CERS4: variants seen among roughly 807,000 people sequenced by gnomAD.
CERS4 encodes LAG1 homolog, ceramide synthase 4.
Under a neutral mutation model 51.8 loss-of-function variants are expected in CERS4, and 65 were observed. The observed-to-expected ratio is 1.26, with a 90% CI of 1.03 to 1.54. The LOEUF (loss-of-function observed/expected upper bound fraction) is 1.54. CERS4 is among the 40% of genes most tolerant of loss of function. The probability of loss-of-function intolerance (pLI) is 0.00; values close to 1 mark genes in which losing one functional copy is unlikely to be tolerated. For synonymous variants in CERS4, 228 were observed against 208.4 expected (o/e 1.09, Z -0.81); for missense variants, 563 against 500.4 (o/e 1.13, Z -1.19).
At chr19:8,229,682 G>T (rs1967932472) in intron 2 of CERS4, among the ~76,000 whole-genome samples, 1 of 152,034 alleles carries the variant, frequency 6.6e-6, no homozygotes, top group Non-Finnish European at 1.5e-5. Context: ...AAAGTGCTAG[G>T]ATTACAGGTG....
intron 2 of CERS4, among the ~76,000 whole-genome samples, chr19:8,228,200 G>A (rs1014604065): frequency 6.6e-6 from 1 of 151,996 alleles, no homozygotes; most frequent in African/African-American, 2.4e-5. Flanking sequence ...CCAAAGTGCC[G>A]AGATGACAGG....
intron 2 of CERS4, among the ~76,000 whole-genome samples, chr19:8,222,934 T>C (rs1236463497): frequency 1.3e-5 from 2 of 152,158 alleles, no homozygotes; most frequent in Non-Finnish European, 2.9e-5. Context: ...CGGTCTCAGT[T>C]GAGCCTTTTA....
At chr19:8,231,758 T>G (rs1440232358) in intron 2 of CERS4, among the ~76,000 whole-genome samples, 1 of 151,920 alleles carries the variant, frequency 6.6e-6, no homozygotes, top group Admixed American at 6.6e-5. Flanking sequence ...TTCATCGTGT[T>G]AGCCAGGATG....
At chr19:8,236,680 TAA>T (rs59164781) in intron 2 of CERS4, among the ~76,000 whole-genome samples, 5,091 of 122,246 alleles carry the variant, frequency 0.042, 306 homozygotes, top group East Asian at 0.15. Flanking sequence ...CCCTGTCTTC[TAA>T]AAAAAAAAAA....
At chr19:8,249,013 TTGGATGGGTGGA>T (rs1568527310) in intron 2 of CERS4, among the ~76,000 whole-genome samples, 1 of 137,968 alleles carries the variant, frequency 7.2e-6, no homozygotes, top group African/African-American at 2.7e-5. Context: ...GGACAGATGT[TTGGATGGGTGGA>T]TGGATGGATG....
At chr19:8,253,716 G>T (rs2913985) in intron 3 of CERS4, among the ~76,000 whole-genome samples, 48,155 of 151,596 alleles carry the variant, frequency 0.32, 9,273 homozygotes, top group Non-Finnish European at 0.44. Context: ...TCAACCTCCC[G>T]AGTAGCTGGG....
intron 2 of CERS4, among the ~76,000 whole-genome samples, chr19:8,221,870 ATGTTTTTTTT>A (rs1344682322): frequency 3.1e-5 from 1 of 31,752 alleles, no homozygotes; most frequent in African/African-American, 8.3e-5. Context: ...TTATTTTTTT[ATGTTTTTTTT>A]TTTTTTTTTT....
At chr19:8,255,578 G>A in intron 4 of CERS4, 29 bp from the exon 5 acceptor site, 3 of 1,586,114 alleles carry the variant, frequency 1.9e-6, no homozygotes, top group Non-Finnish European at 1.7e-6. Context: ...GGGCCTCTGT[G>A]ACCCTTGTCC....
At chr19:8,219,646 G>A (rs1157756313) in intron 2 of CERS4, among the ~76,000 whole-genome samples, 3 of 148,088 alleles carry the variant, frequency 2.0e-5, no homozygotes, top group Non-Finnish European at 3.0e-5. Flanking sequence ...GTGAAATCCC[G>A]TCTCTACTAA....
Position 8,216,358 on chromosome 19 carries a change from G to A in CERS4, c.-2+5496G>A, listed in dbSNP as rs139739094. Among the ~76,000 whole-genome samples the A allele has an allele frequency of 3.4e-3, 516 of 149,834 alleles. 3 individuals are homozygous for A. The highest frequency in any genetic ancestry group is 0.011 in the African/African-American group (442 of 40,726). On this transcript the variant is annotated intron_variant, in intron 2 of 11. Transcript: ENST00000251363. Reference sequence around the variant, plus strand: ...GGTGGCACTGCATTCCAGCCTGGGCGACAGAGAGAGATTTTGTCTTGGAAA... The same window carrying A: ...GGTGGCACTGCATTCCAGCCTGGGCAACAGAGAGAGATTTTGTCTTGGAAA...
At chr19:8,221,110 C>A (rs1349731137) in intron 2 of CERS4, among the ~76,000 whole-genome samples, 2 of 151,788 alleles carry the variant, frequency 1.3e-5, no homozygotes, top group Non-Finnish European at 2.9e-5. Flanking sequence ...CAGGCGTGAG[C>A]CACTGTGCCC....
chr19:8,238,802 G>A (rs1000334818), intron 2 of CERS4, among the ~76,000 whole-genome samples: 4 of 152,158 alleles, frequency 2.6e-5, no homozygotes, highest in Non-Finnish European at 5.9e-5. Context: ...TAGACATTAA[G>A]AAATTGCACG....
At chr19:8,217,812 C>T (rs1370992122) in intron 2 of CERS4, among the ~76,000 whole-genome samples, 3 of 152,142 alleles carry the variant, frequency 2.0e-5, no homozygotes, top group East Asian at 1.9e-4. Context: ...GTTGGGATTA[C>T]AGGCGTGAGC....
intron 10 of CERS4, among the ~76,000 whole-genome samples, chr19:8,259,694 G>A (rs1047120823): frequency 1.3e-5 from 2 of 152,088 alleles, no homozygotes; most frequent in Non-Finnish European, 2.9e-5. Flanking sequence ...AGCCCTGCTG[G>A]GTTTGAGGGG....
In CERS4 at chr19:8,262,190, G is replaced by A. The variant is rs1599607617; in HGVS notation, c.*81G>A. On this transcript the variant is annotated 3_prime_UTR_variant, in exon 12 of 12. Transcript: ENST00000251363. The stretch of plus-strand genomic sequence containing the variant: ...GGGGTGACTGGACTGGCGCCCCTGG[G>A]CCACCTTTCTGGAGACAGGGAGGGC... 1 of 1,363,798 alleles carries A rather than the reference G, an allele frequency of 7.3e-7. No individual in the cohort carries two copies. Among genetic ancestry groups the A allele is most frequent in the Non-Finnish European group, 9.4e-7 (1 of 1,058,580 alleles). The allele number at this position is 1,363,798 out of a possible 1,614,324, so 84.5% of individuals were successfully genotyped here.
At chr19:8,251,712 G>A (rs1367051227) in intron 3 of CERS4, among the ~76,000 whole-genome samples, 1 of 151,906 alleles carries the variant, frequency 6.6e-6, no homozygotes, top group Non-Finnish European at 1.5e-5. Context: ...GCTGAGGCAG[G>A]AGAATCGCCT....
intron 3 of CERS4, among the ~76,000 whole-genome samples, chr19:8,252,283 T>C (rs576916895): frequency 3.1e-4 from 47 of 151,438 alleles, no homozygotes; most frequent in Non-Finnish European, 1.8e-4. Flanking sequence ...GGCAGGAGAA[T>C]TGCTTGAACC....
intron 1 of CERS4, 92 bp downstream of exon 1, chr19:8,209,586 C>T (rs1967003197): frequency 6.6e-6 from 1 of 152,292 alleles, no homozygotes; most frequent in African/African-American, 2.4e-5. Flanking sequence ...CGGCCCCAGC[C>T]CGGCCCCCAC....
intron 10 of CERS4, chr19:8,261,119 G>GA (rs1004833830): frequency 3.8e-5 from 6 of 156,912 alleles, no homozygotes; most frequent in African/African-American, 1.4e-4. Flanking sequence ...GTTGCACAGT[G>GA]AAAATGAAGC....
Sources: allele counts gnomAD v4.1 joint callset (sites outside exome capture counted in the v4.1 genomes callset), GRCh38; gene constraint gnomAD v4.1.1; transcripts MANE v1.5; gene names NCBI Gene and HGNC (gene_info 2026-07-23, HGNC 2026-07-21).